HDAC4: variants seen among roughly 807,000 people sequenced by gnomAD.
The protein encoded by HDAC4 is histone deacetylase A.
Under a neutral mutation model 135.1 loss-of-function variants are expected in HDAC4, and 16 were observed. That is an observed-to-expected ratio of 0.12 (90% CI 0.08 to 0.18). The LOEUF (loss-of-function observed/expected upper bound fraction) is 0.18. Ranked by LOEUF, HDAC4 falls within the 10% of genes least tolerant of loss-of-function variation. HDAC4 has a pLI of 1.00. For missense variants in HDAC4, 1,143 were observed against 1,511.8 expected, an observed-to-expected ratio of 0.76 and a Z score of 4.05; for synonymous variants, 685 against 653.4, an observed-to-expected ratio of 1.05 and a Z score of -0.74.
intron 16 of HDAC4, among the ~76,000 whole-genome samples, chr2:239,096,069 C>G (rs995515288): frequency 2.0e-5 from 3 of 152,152 alleles, no homozygotes; most frequent in East Asian, 3.9e-4. Flanking sequence ...ACAGTAGCCT[C>G]CACTCTGTGT....
At chr2:239,238,302 G>T (rs911143708) in intron 2 of HDAC4, among the ~76,000 whole-genome samples, 1 of 152,172 alleles carries the variant, frequency 6.6e-6, no homozygotes, top group Admixed American at 6.5e-5. Context: ...GTGCCTGTAT[G>T]TATGTATGTT....
intron 2 of HDAC4, among the ~76,000 whole-genome samples, chr2:239,278,039 C>G (rs925230470): frequency 1.3e-5 from 2 of 152,094 alleles, no homozygotes; most frequent in African/African-American, 4.8e-5. Context: ...TCCAGCCACA[C>G]GCTCCAGCTA....
intron 2 of HDAC4, among the ~76,000 whole-genome samples, chr2:239,278,920 G>C (rs1055163411): frequency 6.6e-6 from 1 of 152,122 alleles, no homozygotes; most frequent in Non-Finnish European, 1.5e-5. Flanking sequence ...AGGGCGCCTG[G>C]AGCCCAAGAG....
rs2038098175 is a variant in HDAC4, at chr2:239,106,022, C to A, written c.2112+2028G>T. On this transcript the variant is annotated intron_variant, in intron 15 of 26. Coordinates refer to ENST00000543185, the MANE Select transcript of HDAC4 (RefSeq NM_001378414.1). ...CCTCCACCGCCTCTGTGGCTGTCTC[C>A]CAGCCACCTGTCTTTCTCCAGCTCT... Among the ~76,000 whole-genome samples, 3 of 152,290 alleles carry A rather than the reference C, an allele frequency of 2.0e-5. No individual in the cohort carries two copies. The South Asian group carries it at 6.2e-4, about 32-fold the overall frequency.
chr2:239,179,695 G>T (rs929484242), intron 4 of HDAC4, among the ~76,000 whole-genome samples: 1 of 152,232 alleles, frequency 6.6e-6, no homozygotes, highest in African/African-American at 2.4e-5. Flanking sequence ...GTGGCTGAGG[G>T]GTAGGAAAGC....
At chr2:239,363,133 T>C (rs1186190474) in intron 1 of HDAC4, among the ~76,000 whole-genome samples, 1 of 152,206 alleles carries the variant, frequency 6.6e-6, no homozygotes, top group African/African-American at 2.4e-5. Flanking sequence ...TAGAAAACTA[T>C]AAAACGTAAG....
intron 4 of HDAC4, among the ~76,000 whole-genome samples, chr2:239,178,923 G>A (rs2043951538): frequency 6.6e-6 from 1 of 152,170 alleles, no homozygotes; most frequent in African/African-American, 2.4e-5. Context: ...AGAGTGGGGT[G>A]TGTGTGCGAG....
Position 239,245,224 on chromosome 2 carries a change from A to G in HDAC4, c.23-8560T>C, listed in dbSNP as rs1356527269. On this transcript the variant is annotated intron_variant, in intron 2 of 26. Coordinates refer to ENST00000543185, the MANE Select transcript of HDAC4 (RefSeq NM_001378414.1). This position sits in a 1 kb window ranked among gnomAD's most constrained non-coding sequence, Gnocchi z 4.4. Reference sequence around the variant, plus strand: ...TGTCTCTCCACTAAGAATCAAAACTAGCTGTAGCTGCCGGCTTACAGGAAG... The same window carrying G: ...TGTCTCTCCACTAAGAATCAAAACTGGCTGTAGCTGCCGGCTTACAGGAAG... 6.6e-6 allele frequency among the ~76,000 whole-genome samples: 1 copy of G among 152,218 alleles called. No homozygotes were observed. The highest frequency in any genetic ancestry group is 6.5e-5 in the Admixed American group (1 of 15,284).
chr2:239,269,584 T>C (rs973495182), intron 2 of HDAC4, among the ~76,000 whole-genome samples: 1 of 152,248 alleles, frequency 6.6e-6, no homozygotes, highest in African/African-American at 2.4e-5. Flanking sequence ...CCTGCTGGCC[T>C]CCTGGAGGAG....
chr2:239,170,279 T>G (rs74003738), intron 5 of HDAC4, among the ~76,000 whole-genome samples: 4,461 of 152,322 alleles, frequency 0.029, 243 homozygotes, highest in African/African-American at 0.1. Flanking sequence ...TTAGATTATA[T>G]CCCAATTCTA....
At position 239,048,783 on chromosome 2, in the gene HDAC4, C is replaced by T. The variant is rs2030366177; in HGVS notation, c.*4314G>A. ...TTCGTTACAATGAAGAAATGGTTTC[C>T]TTTCGATGCAAAGTATAATTGTAAA... On this transcript the variant is annotated 3_prime_UTR_variant, in exon 27 of 27. Coordinates refer to ENST00000543185, the MANE Select transcript of HDAC4 (RefSeq NM_001378414.1). 1 of 152,240 alleles carries T rather than the reference C, an allele frequency of 6.6e-6. No individual in the cohort carries two copies. The highest frequency in any genetic ancestry group is 2.4e-5 in the African/African-American group (1 of 41,462). 9.4% of individuals were successfully genotyped at this position (152,240 alleles called of 1,614,324 possible).
chr2:239,210,897 C>T lies in HDAC4; in HGVS notation c.95-20820G>A, dbSNP rs1426581643. ...CTTCCACGGGACAAGGACGAAAAAG[C>T]ACTATTCCTTCGCCGGCCAACTCTT... On this transcript the variant is annotated intron_variant, in intron 3 of 26. Coordinates refer to ENST00000543185, the MANE Select transcript of HDAC4 (RefSeq NM_001378414.1). 2.0e-5 allele frequency among the ~76,000 whole-genome samples: 3 copies of T among 152,196 alleles called. No homozygotes were observed. The East Asian group carries it at 5.8e-4, about 29-fold the overall frequency.
At chr2:239,205,380 G>T (rs528213) in intron 3 of HDAC4, among the ~76,000 whole-genome samples, 80,709 of 151,892 alleles carry the variant, frequency 0.53, 22,862 homozygotes, top group South Asian at 0.73. Context: ...ATCCAACAAA[G>T]GAAATGCAGT....
At chr2:239,204,430 T>C (rs2045929185) in intron 3 of HDAC4, among the ~76,000 whole-genome samples, 1 of 152,126 alleles carries the variant, frequency 6.6e-6, no homozygotes. Flanking sequence ...ACAAACACGA[T>C]TTCCCAGGCA....
intron 3 of HDAC4, among the ~76,000 whole-genome samples, chr2:239,207,374 C>T (rs1260770804): frequency 1.3e-5 from 2 of 151,958 alleles, no homozygotes; most frequent in African/African-American, 4.8e-5. Flanking sequence ...CAGATGAAAG[C>T]AGATAATACA....
At chr2:239,181,406 G>A (rs919919696) in intron 4 of HDAC4, among the ~76,000 whole-genome samples, 3 of 152,260 alleles carry the variant, frequency 2.0e-5, no homozygotes, top group Non-Finnish European at 4.4e-5. Context: ...TGGGTGGGCC[G>A]AGGGAGAGGG....
At chr2:239,066,208 G>A (rs565944683) in intron 24 of HDAC4, among the ~76,000 whole-genome samples, 2 of 152,318 alleles carry the variant, frequency 1.3e-5, no homozygotes, top group South Asian at 4.1e-4. Flanking sequence ...CAGCGTCTCT[G>A]ACTCCCTCCG....
intron 24 of HDAC4, among the ~76,000 whole-genome samples, chr2:239,055,866 C>T (rs1015675638): frequency 1.3e-5 from 2 of 152,232 alleles, no homozygotes; most frequent in African/African-American, 4.8e-5. Context: ...GGCCAAAGCA[C>T]CCATGTCCCC....
intron 19 of HDAC4, 32 bp from the exon 20 acceptor site, chr2:239,084,274 C>T (rs950308916): frequency 5.3e-6 from 8 of 1,522,548 alleles, no homozygotes; most frequent in African/African-American, 4.1e-5. Flanking sequence ...GGAGACGAAG[C>T]GCAGGTGGGC....
Sources: gnomAD v4.1 joint callset for allele counts (sites outside exome capture counted in the v4.1 genomes callset) on GRCh38, gnomAD v4.1.1 for gene constraint, Gnocchi (gnomAD v3.1) non-coding constraint, MANE v1.5 for transcripts, NCBI Gene and HGNC (gene_info 2026-07-23, HGNC 2026-07-21) for gene names.